DNAH9: variants seen among roughly 807,000 people sequenced by gnomAD.
DNAH9 encodes the protein dynein axonemal heavy chain 9.
Under a neutral mutation model 471.6 loss-of-function variants are expected in DNAH9, and 345 were observed. The observed-to-expected ratio is 0.73, with a 90% CI of 0.67 to 0.80. The LOEUF is 0.80. DNAH9 is among the 30% of genes least tolerant of loss of function. The pLI, the probability that DNAH9 is intolerant of heterozygous loss-of-function variation, is 0.00. For synonymous variants in DNAH9, 2,093 were observed against 2,123.6 expected (o/e 0.99, Z 0.40); for missense variants, 5,407 against 5,609.2 (o/e 0.96, Z 1.15).
chr17:11,818,197 G>A (rs933069767), intron 45 of DNAH9, among the ~76,000 whole-genome samples: 7 of 152,194 alleles, frequency 4.6e-5, no homozygotes, highest in Non-Finnish European at 7.3e-5. Flanking sequence ...TTGGGAGGCC[G>A]AGGCAGGCGG....
chr17:11,807,541 G>A (rs910343738), intron 43 of DNAH9, among the ~76,000 whole-genome samples, 191 bp from the exon 44 acceptor site: 2 of 152,144 alleles, frequency 1.3e-5, no homozygotes, highest in Non-Finnish European at 2.9e-5. Context: ...TTAAGGCAAA[G>A]CAATGGCAGC....
In DNAH9 at chr17:11,623,403, CT is replaced by C. The variant is rs1358795704; in HGVS notation, c.1350+3623del. Among the ~76,000 whole-genome samples the C allele has an allele frequency of 6.6e-6, 1 of 151,988 alleles. No individual in the cohort carries two copies. The highest frequency in any genetic ancestry group is 6.6e-5 in the Admixed American group (1 of 15,248). On this transcript the variant is annotated intron_variant, in intron 6 of 68. Transcript: ENST00000262442. This position sits in a 1 kb window ranked among gnomAD's most constrained non-coding sequence, Gnocchi z 4.1. ...AACTTCCCTGACCTCTTTGTTTGCC[CT>C]GAATTTCCATGTGTTTTCATCTTCC...
At chr17:11,738,646 A>G (rs746956350) in intron 28 of DNAH9, among the ~76,000 whole-genome samples, 3 of 152,098 alleles carry the variant, frequency 2.0e-5, no homozygotes, top group Admixed American at 6.5e-5. Context: ...CTCCCAAAGC[A>G]CTGGGATTAT....
At chr17:11,700,002 GCC>G (rs1265647006) in intron 23 of DNAH9, 119 bp downstream of exon 23, 31 of 996,796 alleles carry the variant, frequency 3.1e-5, no homozygotes, top group Non-Finnish European at 4.3e-5. Context: ...TGCTGTCCAT[GCC>G]CTCCAAGAGC....
intron 49 of DNAH9, among the ~76,000 whole-genome samples, chr17:11,836,743 G>A (rs1970861744): frequency 6.6e-6 from 1 of 152,156 alleles, no homozygotes; most frequent in African/African-American, 2.4e-5. Flanking sequence ...CATGCCTTCT[G>A]TTTCTGATTT....
chr17:11,657,229 G>A (rs1254295092), intron 14 of DNAH9, among the ~76,000 whole-genome samples: 1 of 152,096 alleles, frequency 6.6e-6, no homozygotes, highest in East Asian at 1.9e-4. Context: ...CAAATTGTGG[G>A]TTTATGTTGT....
chr17:11,644,132 G>A (rs529007791), intron 10 of DNAH9, among the ~76,000 whole-genome samples: 134 of 152,186 alleles, frequency 8.8e-4, no homozygotes, highest in Non-Finnish European at 1.3e-3. Flanking sequence ...GGAGTAATGC[G>A]TTGCACCATG....
intron 48 of DNAH9, among the ~76,000 whole-genome samples, chr17:11,833,060 C>G (rs572116769): frequency 4.5e-4 from 68 of 152,334 alleles, no homozygotes; most frequent in African/African-American, 1.5e-3. Flanking sequence ...TAACAAGTTT[C>G]TAGGTGATGC....
intron 24 of DNAH9, 113 bp downstream of exon 24, chr17:11,701,360 G>A (rs1314948499): frequency 1.1e-5 from 13 of 1,232,420 alleles, no homozygotes; most frequent in Admixed American, 3.9e-5. Context: ...TTCACAGCCA[G>A]GGAGGCTTGA....
rs181237505 is a variant in DNAH9 at position 11,668,702 on chromosome 17, C to G, written c.2732-362C>G. 2.0e-4 allele frequency among the ~76,000 whole-genome samples: 30 copies of G among 150,606 alleles called. No homozygotes were observed. The East Asian group carries it at 5.9e-3, about 30-fold the overall frequency. The stretch of plus-strand genomic sequence containing the variant: ...AAAAAAAAAACAATCAATCTCTTCT[C>G]AACCAGAGGCTGGACTGTCCCCCAG... On this transcript the variant is annotated intron_variant, in intron 15 of 68. Transcript: ENST00000262442.
rs1057319895 is a variant in DNAH9, at chr17:11,784,478, T to C, written c.8000T>C (p.Leu2667Pro). 6.2e-7 allele frequency: 1 copy of C among 1,614,192 alleles called. No homozygotes were observed. The highest frequency in any genetic ancestry group is 1.3e-5 in the African/African-American group (1 of 75,054). ...AFHQKIATTF[L>P]PTGIKFHYIF... is the part of the protein sequence containing the mutation. ...CACCAGAAAATTGCTACCACCTTCC[T>C]ACCCACAGGAATCAAATTCCACTAC... The change falls in exon 41 of 69, where the codon CTA becomes CCA. Residue 2667 changes from leucine (L) to proline (P), a missense_variant. Physicochemically the swap from Leu to Pro is moderately conservative, Grantham distance 98. Coordinates refer to ENST00000262442, the MANE Select transcript of DNAH9 (RefSeq NM_001372.4).
intron 14 of DNAH9, among the ~76,000 whole-genome samples, chr17:11,654,582 C>G (rs1028360727): frequency 6.6e-6 from 1 of 151,608 alleles, no homozygotes; most frequent in African/African-American, 2.4e-5. Flanking sequence ...CAGGGGTCAA[C>G]CAGGAAATAA....
intron 66 of DNAH9, among the ~76,000 whole-genome samples, chr17:11,938,360 G>A (rs1174790812): frequency 6.6e-6 from 1 of 151,658 alleles, no homozygotes; most frequent in Non-Finnish European, 1.5e-5. Context: ...TCGGGAGACT[G>A]AGGCAGGAGA....
At chr17:11,964,611 G>C (rs888339889) in intron 68 of DNAH9, among the ~76,000 whole-genome samples, 3 of 152,126 alleles carry the variant, frequency 2.0e-5, no homozygotes, top group Non-Finnish European at 4.4e-5. Flanking sequence ...AACTTTCTTA[G>C]AATTCTGGAA....
Position 11,923,795 on chromosome 17 carries a change from G to A in DNAH9, c.11750-19G>A, listed in dbSNP as rs28622261. 0.15 allele frequency: 243,633 copies of A among 1,610,254 alleles called. 19,882 individuals are homozygous for A. Among genetic ancestry groups the A allele is most frequent in the Admixed American group, 0.27 (15,972 of 59,682 alleles). ...ATTAGACACAAGAAATAATAATGACGCCTCCATCCTCCTTTTAGGAAGAAA... is the reference window on the plus strand; with the variant it reads ...ATTAGACACAAGAAATAATAATGACACCTCCATCCTCCTTTTAGGAAGAAA... On this transcript the variant is annotated intron_variant, in intron 61 of 68. Coordinates refer to ENST00000262442, the MANE Select transcript of DNAH9 (RefSeq NM_001372.4).
At chr17:11,775,318 T>C (rs1968376409) in intron 38 of DNAH9, among the ~76,000 whole-genome samples, 1 of 152,194 alleles carries the variant, frequency 6.6e-6, no homozygotes, top group African/African-American at 2.4e-5. Flanking sequence ...ATTAACAACA[T>C]ACTTCTCAAA....
intron 31 of DNAH9, 86 bp downstream of exon 31, chr17:11,745,170 G>A: frequency 8.4e-7 from 1 of 1,190,496 alleles, no homozygotes; most frequent in Non-Finnish European, 1.2e-6. Flanking sequence ...TAATCCAAAG[G>A]GTTGTTTTAG....
intron 52 of DNAH9, among the ~76,000 whole-genome samples, chr17:11,872,293 A>C (rs1410036993): frequency 2.0e-5 from 3 of 151,668 alleles, no homozygotes; most frequent in African/African-American, 7.3e-5. Context: ...CATGCTTCTT[A>C]TTTGGGCAGT....
intron 4 of DNAH9, among the ~76,000 whole-genome samples, chr17:11,614,980 G>A (rs34962888): frequency 0.031 from 4,722 of 152,260 alleles, 109 homozygotes; most frequent in South Asian, 0.045. Flanking sequence ...AGGTAGATAC[G>A]TGTGTGAAAG....
Sources: gnomAD v4.1 joint callset for allele counts (sites outside exome capture counted in the v4.1 genomes callset) on GRCh38, gnomAD v4.1.1 for gene constraint, Gnocchi (gnomAD v3.1) non-coding constraint, MANE v1.5 for transcripts, NCBI Gene and HGNC (gene_info 2026-07-23, HGNC 2026-07-21) for gene names.